Variants in C9 observed in about 807,000 individuals in gnomAD.
The protein encoded by C9 is complement component C9.
Under a neutral mutation model 65.4 loss-of-function variants are expected in C9, and 63 were observed. The observed-to-expected ratio is 0.96, with a 90% CI of 0.79 to 1.19. The LOEUF (loss-of-function observed/expected upper bound fraction) is 1.19, where lower values mean the gene tolerates loss of function less well. C9 is among the 50% of genes most tolerant of loss of function. The probability of loss-of-function intolerance (pLI) is 0.00; values close to 1 mark genes in which losing one functional copy is unlikely to be tolerated. For synonymous variants in C9, 229 were observed against 227.9 expected (o/e 1.00, Z -0.04); for missense variants, 744 against 670.1 (o/e 1.11, Z -1.22).
chr5:39,312,410 A>G (rs1195218896), intron 6 of C9, among the ~76,000 whole-genome samples: 1 of 152,214 alleles, frequency 6.6e-6, no homozygotes, highest in East Asian at 1.9e-4. Context: ...TAAAGATATC[A>G]AGTTATTTGT....
intron 6 of C9, 82 bp downstream of exon 6, chr5:39,315,693 G>T: frequency 9.6e-7 from 1 of 1,040,644 alleles, no homozygotes; most frequent in Non-Finnish European, 1.4e-6. Context: ...TCCTTTTTAT[G>T]ATTTCTATTT....
chr5:39,323,030 C>G (rs1272382778), intron 5 of C9, among the ~76,000 whole-genome samples: 1 of 151,898 alleles, frequency 6.6e-6, no homozygotes, highest in Non-Finnish European at 1.5e-5. Flanking sequence ...TAAGATATTA[C>G]TGTGAAAAAT....
chr5:39,343,332 T>C (rs1754126948), intron 1 of C9, among the ~76,000 whole-genome samples: 1 of 152,174 alleles, frequency 6.6e-6, no homozygotes, highest in Admixed American at 6.5e-5. Context: ...TCCACCCCAA[T>C]ACTGTGCTTT....
At chr5:39,355,576 A>T (rs1754400828) in intron 1 of C9, among the ~76,000 whole-genome samples, 1 of 152,072 alleles carries the variant, frequency 6.6e-6, no homozygotes, top group South Asian at 2.1e-4. Flanking sequence ...TCTTTGAATG[A>T]TTCAATCTAT....
chr5:39,341,038 T>C, intron 4 of C9, 108 bp downstream of exon 4: 1 of 1,193,950 alleles, frequency 8.4e-7, no homozygotes, highest in Non-Finnish European at 1.3e-6. Context: ...CCATCAGCTG[T>C]ATCACCTATG....
At position 39,320,859 on chromosome 5, in the gene C9, G is replaced by C. The variant is rs553810536; in HGVS notation, c.616-4830C>G. Among the ~76,000 whole-genome samples the C allele has an allele frequency of 9.2e-5, 14 of 152,226 alleles. No homozygotes were observed. The East Asian group carries it at 2.5e-3, about 27-fold the overall frequency. On this transcript the variant is annotated intron_variant, in intron 5 of 10. Coordinates refer to ENST00000263408, the MANE Select transcript of C9 (RefSeq NM_001737.5). ...CAGCAAAAGCCTTGAATCCAGGAGAGAGTGAGATGATATATTCAAGAGTAT... is the reference window on the plus strand; with the variant it reads ...CAGCAAAAGCCTTGAATCCAGGAGACAGTGAGATGATATATTCAAGAGTAT...
intron 9 of C9, among the ~76,000 whole-genome samples, chr5:39,298,847 T>C (rs572574611): frequency 6.6e-6 from 1 of 151,900 alleles, no homozygotes; most frequent in Admixed American, 6.6e-5. Flanking sequence ...CCCAAGACAA[T>C]AGCAAACCAA....
rs542775447 is a variant in C9, at chr5:39,290,212, G to T, written c.1417-1261C>A. On this transcript the variant is annotated intron_variant, in intron 9 of 10. Coordinates refer to ENST00000263408, the MANE Select transcript of C9 (RefSeq NM_001737.5). ...TAGTTAGATAGAAGGGGTAAGTTCA[G>T]AAGATCTATTGTGCAGCTTGATGAT... Among the ~76,000 whole-genome samples, 116 of 151,956 alleles carry T rather than the reference G, an allele frequency of 7.6e-4. 1 individual carries two copies. The highest frequency in any genetic ancestry group is 3.4e-3 in the Middle Eastern group (1 of 294).
Position 39,310,755 on chromosome 5 carries a change from G to C in C9, c.1111+382C>G, listed in dbSNP as rs547070515. The stretch of plus-strand genomic sequence containing the variant: ...CCCTCCAATATTGAAGTATACTCTG[G>C]AAGATAACTGTGATATAGAAATTGA... On this transcript the variant is annotated intron_variant, in intron 7 of 10. Transcript: ENST00000263408. 1.6e-4 allele frequency among the ~76,000 whole-genome samples: 25 copies of C among 152,236 alleles called. No individual in the cohort carries two copies. The South Asian group carries it at 5.2e-3, about 32-fold the overall frequency.
At chr5:39,333,673 A>G (rs1437779174) in intron 4 of C9, among the ~76,000 whole-genome samples, 2 of 110,548 alleles carry the variant, frequency 1.8e-5, no homozygotes, top group Non-Finnish European at 4.2e-5. Context: ...CGGCAGCTGG[A>G]CTGTACTGCC....
At chr5:39,328,968 C>G (rs908763573) in intron 5 of C9, among the ~76,000 whole-genome samples, 1 of 152,158 alleles carries the variant, frequency 6.6e-6, no homozygotes, top group Non-Finnish European at 1.5e-5. Context: ...GAAAACTATG[C>G]TTATAATCTG....
chr5:39,340,804 C>A (rs112092612), intron 4 of C9, among the ~76,000 whole-genome samples: 196 of 152,310 alleles, frequency 1.3e-3, no homozygotes, highest in African/African-American at 4.5e-3. Context: ...ATTGGAAATT[C>A]ATTCCAAATG....
intron 5 of C9, among the ~76,000 whole-genome samples, chr5:39,320,672 A>G (rs2111907461): frequency 6.6e-6 from 1 of 152,270 alleles, no homozygotes; most frequent in East Asian, 1.9e-4. Context: ...ACCCAGGTCC[A>G]TGAATCCCAA....
At chr5:39,314,457 A>AT (rs1554049341) in intron 6 of C9, among the ~76,000 whole-genome samples, 55 of 152,124 alleles carry the variant, frequency 3.6e-4, no homozygotes, top group African/African-American at 1.3e-3. Context: ...CTCAAAATAA[A>AT]TAAATTAAAT....
At chr5:39,353,803 G>A (rs1754366612) in intron 1 of C9, among the ~76,000 whole-genome samples, 1 of 152,122 alleles carries the variant, frequency 6.6e-6, no homozygotes, top group African/African-American at 2.4e-5. Flanking sequence ...GGACTTTCCT[G>A]TTTTGTTCAG....
intron 9 of C9, among the ~76,000 whole-genome samples, chr5:39,293,391 CA>C (rs1324315151): frequency 6.6e-6 from 1 of 151,682 alleles, no homozygotes; most frequent in African/African-American, 2.4e-5. Context: ...AAAGGTAAAC[CA>C]AAAGCAAGCA....
chr5:39,310,743 A>T (rs1483418947), intron 7 of C9, among the ~76,000 whole-genome samples: 1 of 152,172 alleles, frequency 6.6e-6, no homozygotes, highest in African/African-American at 2.4e-5. Context: ...TCCAATATTG[A>T]AGTATACTCT....
chr5:39,315,183 CA>C (rs1283976456), intron 6 of C9, among the ~76,000 whole-genome samples: 1 of 152,054 alleles, frequency 6.6e-6, no homozygotes, highest in African/African-American at 2.4e-5. Context: ...ACTGTGGTAT[CA>C]GAAAAGGAAG....
At chr5:39,353,533 A>G (rs557086642) in intron 1 of C9, among the ~76,000 whole-genome samples, 1 of 152,190 alleles carries the variant, frequency 6.6e-6, no homozygotes, top group South Asian at 2.1e-4. Context: ...CATCTTGGAC[A>G]CACATTATAT....
Sources: gnomAD v4.1 joint callset for allele counts (sites outside exome capture counted in the v4.1 genomes callset) on GRCh38, gnomAD v4.1.1 for gene constraint, MANE v1.5 for transcripts, NCBI Gene and HGNC (gene_info 2026-07-23, HGNC 2026-07-21) for gene names.